Variants in IKZF2 observed in about 807,000 individuals in gnomAD.
The protein encoded by IKZF2 is IKAROS family zinc finger 2, also known as zinc finger protein Helios.
IKZF2 carries 15 observed loss-of-function variants against 49.2 expected under a neutral mutation model. The ratio of observed to expected loss-of-function variants is 0.30; its 90% CI spans 0.20 to 0.47. The LOEUF (loss-of-function observed/expected upper bound fraction) is 0.47, where lower values mean the gene tolerates loss of function less well. Ranked by LOEUF, IKZF2 falls within the 20% of genes least tolerant of loss-of-function variation. IKZF2 has a pLI of 1.00. For missense variants in IKZF2, 567 were observed against 664.6 expected (o/e 0.85, Z 1.61); for synonymous variants, 227 against 221.4 (o/e 1.03, Z -0.23).
intron 4 of IKZF2, among the ~76,000 whole-genome samples, chr2:213,112,514 T>C (rs2059744988): frequency 6.6e-6 from 1 of 151,262 alleles, no homozygotes; most frequent in South Asian, 2.1e-4. Flanking sequence ...AGTGACAGAT[T>C]GTGCAGTGGC....
chr2:213,036,788 A>G (rs1699075483), intron 6 of IKZF2, among the ~76,000 whole-genome samples: 2 of 152,058 alleles, frequency 1.3e-5, no homozygotes, highest in Admixed American at 1.3e-4. Flanking sequence ...TATTTGTCTG[A>G]TTTTCTACCA....
chr2:213,072,368 A>T (rs1393553883), intron 4 of IKZF2, among the ~76,000 whole-genome samples: 1 of 151,616 alleles, frequency 6.6e-6, no homozygotes, highest in Non-Finnish European at 1.5e-5. Flanking sequence ...TTCTTTAAAA[A>T]CTCATTTTGT....
chr2:213,021,168 G>A (rs1481724274), intron 7 of IKZF2, among the ~76,000 whole-genome samples: 3 of 151,960 alleles, frequency 2.0e-5, no homozygotes, highest in East Asian at 1.9e-4. Context: ...AGCTGAGATC[G>A]TGCCACTGCA....
chr2:213,133,244 T>C (rs1043926514), intron 4 of IKZF2, among the ~76,000 whole-genome samples: 8 of 152,204 alleles, frequency 5.3e-5, no homozygotes, highest in African/African-American at 1.9e-4. Flanking sequence ...CTGGAAGCTT[T>C]ACATATATTG....
intron 4 of IKZF2, among the ~76,000 whole-genome samples, chr2:213,082,522 A>G (rs1574772932): frequency 6.6e-6 from 1 of 152,232 alleles, no homozygotes; most frequent in Non-Finnish European, 1.5e-5. Flanking sequence ...TGCTAATGTT[A>G]GCAATGAAGC....
chr2:213,107,349 C>G (rs1688405451), intron 4 of IKZF2, among the ~76,000 whole-genome samples: 1 of 152,156 alleles, frequency 6.6e-6, no homozygotes, highest in South Asian at 2.1e-4. Context: ...ACTGTGAGGT[C>G]TTATAGCTTC....
intron 4 of IKZF2, among the ~76,000 whole-genome samples, chr2:213,089,567 T>G (rs1705060255): frequency 6.6e-6 from 1 of 152,156 alleles, no homozygotes; most frequent in South Asian, 2.1e-4. Flanking sequence ...GTGTCACAAT[T>G]CCCAAGAATG....
intron 6 of IKZF2, among the ~76,000 whole-genome samples, chr2:213,038,280 C>T (rs990645695): frequency 3.9e-5 from 6 of 152,028 alleles, no homozygotes; most frequent in Non-Finnish European, 8.8e-5. Context: ...AGGATGGTCT[C>T]GATCTCCTGG....
chr2:213,134,049 G>A (rs73079205), intron 4 of IKZF2, among the ~76,000 whole-genome samples: 7,853 of 152,182 alleles, frequency 0.052, 660 homozygotes, highest in African/African-American at 0.17. Flanking sequence ...CAGTATTAAA[G>A]CAGATTAATT....
chr2:213,068,777 T>C (rs1026681669), intron 4 of IKZF2, among the ~76,000 whole-genome samples: 5 of 152,032 alleles, frequency 3.3e-5, no homozygotes, highest in African/African-American at 7.2e-5. Flanking sequence ...GGAAACCTAG[T>C]TGGTATGTGT....
At position 213,007,455 on chromosome 2, in the gene IKZF2, G is replaced by A. The variant is rs773221658; in HGVS notation, c.1486C>T (p.Arg496Trp). Reference sequence around the variant, plus strand: ...CAGATGTTGCATTCCAGTGGGTCCCGGTAGCCATGGCAACCCATGTGAATG... The same window carrying A: ...CAGATGTTGCATTCCAGTGGGTCCCAGTAGCCATGGCAACCCATGTGAATG... ...YTIHMGCHGY[R>W]DPLECNICGY... The change falls in exon 9 of 9, where the codon CGG becomes TGG. Residue 496 changes from arginine (R) to tryptophan (W), a missense_variant. Coordinates refer to ENST00000434687, the MANE Select transcript of IKZF2 (RefSeq NM_001387220.1). 1.4e-5 allele frequency: 22 copies of A among 1,613,510 alleles called. No homozygotes were observed. The highest frequency in any genetic ancestry group is 1.7e-4 in the Middle Eastern group (1 of 6,056).
At chr2:213,053,687 G>A (rs753873585) in intron 5 of IKZF2, among the ~76,000 whole-genome samples, 5 of 152,090 alleles carry the variant, frequency 3.3e-5, no homozygotes, top group Non-Finnish European at 5.9e-5. Context: ...ATGTCCAATC[G>A]ATATGTGTTC....
intron 8 of IKZF2, among the ~76,000 whole-genome samples, chr2:213,012,293 G>A (rs916725849): frequency 3.3e-5 from 5 of 151,598 alleles, no homozygotes; most frequent in African/African-American, 1.2e-4. Context: ...CTTTTCTAAG[G>A]AATGCAGTGA....
chr2:213,136,910 T>C (rs1004111481), intron 4 of IKZF2, among the ~76,000 whole-genome samples: 2 of 152,148 alleles, frequency 1.3e-5, no homozygotes, highest in African/African-American at 4.8e-5. Flanking sequence ...CATAGAGTTG[T>C]ATGAAATCAA....
At chr2:213,115,142 C>A (rs1157736398) in intron 4 of IKZF2, among the ~76,000 whole-genome samples, 6 of 152,154 alleles carry the variant, frequency 3.9e-5, no homozygotes, top group African/African-American at 1.4e-4. Context: ...AAGCATACTG[C>A]ATGTTCCTAC....
chr2:213,016,086 C>T (rs558680907), intron 7 of IKZF2, among the ~76,000 whole-genome samples: 1 of 152,182 alleles, frequency 6.6e-6, no homozygotes, highest in South Asian at 2.1e-4. Context: ...TTTACAATAG[C>T]CCTTTTCATG....
chr2:213,016,221 T>A (rs917709127), intron 7 of IKZF2, among the ~76,000 whole-genome samples: 1 of 152,144 alleles, frequency 6.6e-6, no homozygotes, highest in African/African-American at 2.4e-5. Context: ...CTCCATGAAA[T>A]AGGTGTAATA....
chr2:213,037,891 T>C (rs1423601209), intron 6 of IKZF2, among the ~76,000 whole-genome samples: 1 of 152,074 alleles, frequency 6.6e-6, no homozygotes, highest in African/African-American at 2.4e-5. Flanking sequence ...TTAAAATAGT[T>C]CCTTCTCATG....
chr2:213,070,510 T>A (rs1702582300), intron 4 of IKZF2, among the ~76,000 whole-genome samples: 1 of 152,118 alleles, frequency 6.6e-6, no homozygotes, highest in Non-Finnish European at 1.5e-5. Flanking sequence ...CAGGATTCCC[T>A]CTTGCCATCA....
Sources: gnomAD v4.1 joint callset for allele counts (sites outside exome capture counted in the v4.1 genomes callset) on GRCh38, gnomAD v4.1.1 for gene constraint, MANE v1.5 for transcripts, NCBI Gene and HGNC (gene_info 2026-07-23, HGNC 2026-07-21) for gene names.